TRIM6: variants seen among roughly 807,000 people sequenced by gnomAD.
The protein encoded by TRIM6 is tripartite motif containing 6, also known as tripartite motif-containing protein 6.
A neutral mutation model predicts 51.2 loss-of-function variants in TRIM6; 43 were observed. The ratio of observed to expected loss-of-function variants is 0.84; its 90% confidence interval spans 0.66 to 1.08. The LOEUF (loss-of-function observed/expected upper bound fraction) is 1.08. TRIM6 is among the 50% of genes least tolerant of loss of function. The pLI is 0.00. For synonymous variants in TRIM6, 215 were observed against 232.4 expected (o/e 0.93, Z 0.68); for missense variants, 669 against 619.0 (o/e 1.08, Z -0.86).
In TRIM6 at chr11:5,596,775, A is replaced by C; in HGVS notation, c.-123A>C. 1 of 1,494,820 alleles carries C rather than the reference A, an allele frequency of 6.7e-7. No homozygotes were observed. The highest frequency in any genetic ancestry group is 9.3e-7 in the Non-Finnish European group (1 of 1,078,508). The allele number at this position is 1,494,820 out of a possible 1,614,324, so 92.6% of individuals were successfully genotyped here. A position where few individuals can be genotyped will look rare whatever the true frequency, so the allele number is the denominator to read the frequency against. On this transcript the variant is annotated 5_prime_UTR_variant, in exon 1 of 8. Transcript: ENST00000380097. ...CAGAGTCGTGCGTGGTTGAGTTTAGATAAAAGCCGAGTGAGCGCGCTCTGT... is the reference window on the plus strand; with the variant it reads ...CAGAGTCGTGCGTGGTTGAGTTTAGCTAAAAGCCGAGTGAGCGCGCTCTGT...
intron 3 of TRIM6, 122 bp from the exon 4 acceptor site, chr11:5,605,215 C>A: frequency 7.6e-7 from 1 of 1,308,040 alleles, no homozygotes; most frequent in Non-Finnish European, 1.1e-6. Flanking sequence ...CAGCATTTAC[C>A]CTCCCTCTCC....
Position 5,603,882 on chromosome 11 carries a change from C to G in TRIM6, c.507+147C>G, listed in dbSNP as rs143836356. ...CTGCCTCCCTGATTAAGAATAGATT[C>G]TTTATCATTTACTTGCTATTCCAGA... On this transcript the variant is annotated intron_variant, in intron 2 of 7. Transcript: ENST00000380097. The G allele has an allele frequency of 2.5e-3, 3,606 of 1,420,794 alleles. 8 individuals carry two copies. The highest frequency in any genetic ancestry group is 2.3e-3 in the Non-Finnish European group (2,529 of 1,078,240). The allele number at this position is 1,420,794 out of a possible 1,614,324, so 88.0% of individuals were successfully genotyped here. A position where few individuals can be genotyped will look rare whatever the true frequency, so the allele number is the denominator to read the frequency against.
chr11:5,610,079 G>T, intron 5 of TRIM6, 66 bp from the exon 6 acceptor site: 2 of 1,552,534 alleles, frequency 1.3e-6, no homozygotes, highest in African/African-American at 1.4e-5. Context: ...TGGGAGGTAA[G>T]GGAGATGGGT....
intron 3 of TRIM6, chr11:5,604,909 C>A: frequency 2.2e-6 from 1 of 445,830 alleles, no homozygotes; most frequent in Non-Finnish European, 4.0e-6. Context: ...CAGTTTCAGT[C>A]TCTTTGGCTT....
At chr11:5,599,270 G>T (rs957229428) in intron 1 of TRIM6, among the ~76,000 whole-genome samples, 1 of 152,290 alleles carries the variant, frequency 6.6e-6, no homozygotes, top group Admixed American at 6.5e-5. Context: ...TCCTTCAAGA[G>T]AATTGGGTAC....
At chr11:5,605,612 G>C in intron 4 of TRIM6, 45 bp downstream of exon 4, 1 of 1,561,444 alleles carries the variant, frequency 6.4e-7, no homozygotes, top group Non-Finnish European at 8.6e-7. Flanking sequence ...AAGGAAAAGA[G>C]AAACTAACTT....
In TRIM6 at chr11:5,603,529, C is replaced by A; in HGVS notation, c.301C>A (p.His101Asn). Reference sequence around the variant, plus strand: ...GCCAGGGAACCTGCGGCCTAATCGGCATCTGGCCAACATAGTGAGGCGGCT... The same window carrying A: ...GCCAGGGAACCTGCGGCCTAATCGGAATCTGGCCAACATAGTGAGGCGGCT... The part of the protein sequence containing the change: ...YQPGNLRPNR[H>N]LANIVRRLRE... Residue 101 changes from histidine (H) to asparagine (N), a missense_variant, in exon 2 of 8, where the codon CAT (histidine) becomes AAT (asparagine). By Grantham distance (68) the His-to-Asn change is moderately conservative. Coordinates refer to ENST00000380097, the MANE Select transcript of TRIM6 (RefSeq NM_001003818.3). 1 of 1,614,114 alleles carries A rather than the reference C, an allele frequency of 6.2e-7. No individual in the cohort carries two copies. Among genetic ancestry groups the A allele is most frequent in the South Asian group, 1.1e-5 (1 of 91,068 alleles).
intron 4 of TRIM6, among the ~76,000 whole-genome samples, chr11:5,606,007 C>T (rs967692551): frequency 1.3e-5 from 2 of 152,328 alleles, no homozygotes; most frequent in African/African-American, 4.8e-5. Flanking sequence ...CAAATTTCTT[C>T]AGACATTGCC....
Position 5,610,201 on chromosome 11 carries a change from T to C in TRIM6, c.914T>C (p.Met305Thr), listed in dbSNP as rs1160275027. The C allele has an allele frequency of 5.2e-5, 84 of 1,613,970 alleles. No individual in the cohort carries two copies. The highest frequency in any genetic ancestry group is 6.7e-5 in the Non-Finnish European group (79 of 1,180,024). Residue 305 changes from methionine (M) to threonine (T), a missense_variant, in exon 6 of 8, where the codon ATG becomes ACG. Coordinates refer to ENST00000380097, the MANE Select transcript of TRIM6 (RefSeq NM_001003818.3). The part of the protein sequence containing the change: ...PEALPTKLRS[M>T]FRAPDLKRML... ...GCTCTCCCTACAAAGCTGAGAAGTATGTTCCGAGCCCCAGATCTGAAAAGG... is the reference window on the plus strand; with the variant it reads ...GCTCTCCCTACAAAGCTGAGAAGTACGTTCCGAGCCCCAGATCTGAAAAGG...
In TRIM6 at chr11:5,604,554, A is replaced by G. The variant is rs3751005; in HGVS notation, c.528A>G (p.Leu176=). ...QEYQEKFQES[L]KKLKNEEQEA... ...TCAAGGAGAAGTTTCAGGAGTCTCT[A>G]AAGAAGCTGAAGAACGAGGAGCAGG... Residue 176 remains leucine, a synonymous_variant, in exon 3 of 8, where the codon CTA becomes CTG. Coordinates refer to ENST00000380097, the MANE Select transcript of TRIM6 (RefSeq NM_001003818.3). The G allele has an allele frequency of 0.03, 49,044 of 1,612,792 alleles. 2,002 individuals are homozygous for G. Among genetic ancestry groups the G allele is most frequent in the East Asian group, 0.19 (8,321 of 44,822 alleles).
chr11:5,608,164 A>T (rs1222912879), intron 4 of TRIM6, among the ~76,000 whole-genome samples: 2 of 152,212 alleles, frequency 1.3e-5, no homozygotes, highest in Non-Finnish European at 2.9e-5. Context: ...GAAAATCAAG[A>T]CACTGATGAG....
chr11:5,611,373 A>G lies in TRIM6; in HGVS notation c.*31A>G. On this transcript the variant is annotated 3_prime_UTR_variant, in exon 8 of 8. Coordinates refer to ENST00000380097, the MANE Select transcript of TRIM6 (RefSeq NM_001003818.3). ...CTTCTGTTCCCACCCACTTCTGATA[A>G]GTACCCTGAGGCTTATCAGCATGTG... is the stretch of plus-strand genomic sequence containing the variant. The G allele has an allele frequency of 6.6e-7, 1 of 1,518,094 alleles. No individual in the cohort carries two copies. Among genetic ancestry groups the G allele is most frequent in the East Asian group, 2.3e-5 (1 of 44,334 alleles). The allele number at this position is 1,518,094 out of a possible 1,614,324, so 94.0% of individuals were successfully genotyped here.
chr11:5,609,242 G>A (rs148406164), intron 5 of TRIM6, among the ~76,000 whole-genome samples: 28 of 152,120 alleles, frequency 1.8e-4, no homozygotes, highest in African/African-American at 6.3e-4. Context: ...GAACCCTATC[G>A]TCCCTTCTGA....
intron 4 of TRIM6, 149 bp from the exon 5 acceptor site, chr11:5,608,223 C>T: frequency 8.6e-7 from 1 of 1,159,536 alleles, no homozygotes; most frequent in South Asian, 1.7e-5. Context: ...TAGGGACAGT[C>T]TGCCCTGAGT....
rs1227080487 is a variant in TRIM6, at chr11:5,611,086, T to C, written c.1295T>C (p.Ile432Thr). The change falls in exon 8 of 8, where the codon ATT becomes ACT. Residue 432 changes from isoleucine to threonine, a missense_variant. Transcript: ENST00000380097. ...RYQPQSGYWV[I>T]GLQHNHEYRA... ...CAGCCTCAGAGTGGATACTGGGTGATTGGGTTACAGCATAACCATGAATAT... is the reference window on the plus strand; with the variant it reads ...CAGCCTCAGAGTGGATACTGGGTGACTGGGTTACAGCATAACCATGAATAT... 7 of 1,614,184 alleles carry C rather than the reference T, an allele frequency of 4.3e-6. No homozygotes were observed. The highest frequency in any genetic ancestry group is 1.3e-5 in the African/African-American group (1 of 75,050).
At chr11:5,608,599 A>C (rs1848367106) in intron 5 of TRIM6, among the ~76,000 whole-genome samples, 1 of 152,104 alleles carries the variant, frequency 6.6e-6, no homozygotes, top group South Asian at 2.1e-4. Context: ...ATGGGAGGTC[A>C]GTAGGTGGGG....
chr11:5,604,553 T>C lies in TRIM6; in HGVS notation c.527T>C (p.Leu176Pro). 6.2e-7 allele frequency: 1 copy of C among 1,612,928 alleles called. No homozygotes were observed. The highest frequency in any genetic ancestry group is 2.2e-5 in the East Asian group (1 of 44,838). The change falls in exon 3 of 8, where the codon CTA (leucine) becomes CCA (proline). Residue 176 changes from leucine to proline, a missense_variant. Coordinates refer to ENST00000380097, the MANE Select transcript of TRIM6 (RefSeq NM_001003818.3). Reference protein sequence around the residue: ...QEYQEKFQESLKKLKNEEQEA... With the variant: ...QEYQEKFQESPKKLKNEEQEA... Reference sequence around the variant, plus strand: ...TTCAAGGAGAAGTTTCAGGAGTCTCTAAAGAAGCTGAAGAACGAGGAGCAG... The same window carrying C: ...TTCAAGGAGAAGTTTCAGGAGTCTCCAAAGAAGCTGAAGAACGAGGAGCAG...
In TRIM6 at chr11:5,603,658, T is replaced by C. The variant is rs1353589902; in HGVS notation, c.430T>C (p.Cys144Arg). 1 of 1,613,514 alleles carries C rather than the reference T, an allele frequency of 6.2e-7. No homozygotes were observed. Reference sequence around the variant, plus strand: ...CTGTCAGGAGGATGGGAAGGTCATTTGCTGGCTTTGTGAGCGGTCTCAGGA... The same window carrying C: ...CTGTCAGGAGGATGGGAAGGTCATTCGCTGGCTTTGTGAGCGGTCTCAGGA... ...LFCQEDGKVI[C>R]WLCERSQEHR... The change falls in exon 2 of 8, where the codon TGC becomes CGC. Residue 144 changes from cysteine to arginine, a missense_variant. Coordinates refer to ENST00000380097, the MANE Select transcript of TRIM6 (RefSeq NM_001003818.3).
Position 5,601,626 on chromosome 11 carries a change from C to T in TRIM6, c.18-1620C>T, listed in dbSNP as rs1448098010. ...TACAAAAATTAGCTGGGCATGGTGG[C>T]GCTCACCTGTAATCCCAGCTACTCA... On this transcript the variant is annotated intron_variant, in intron 1 of 7. Transcript: ENST00000380097. Among the ~76,000 whole-genome samples, 4 of 152,180 alleles carry T rather than the reference C, an allele frequency of 2.6e-5. No homozygotes were observed. In the East Asian group the frequency reaches 5.8e-4, roughly 22 times the overall value.
Sources: gnomAD v4.1 joint callset for allele counts (sites outside exome capture counted in the v4.1 genomes callset) on GRCh38, gnomAD v4.1.1 for gene constraint, MANE v1.5 for transcripts, NCBI Gene and HGNC (gene_info 2026-07-23, HGNC 2026-07-21) for gene names.